The following DPP6 variants were observed in gnomAD, a reference collection of about 807,000 sequenced individuals.
DPP6 encodes the protein A-type potassium channel modulatory protein DPP6.
DPP6 carries 69 observed loss-of-function variants against 122.6 expected under a neutral mutation model. The observed-to-expected ratio is 0.56, with a 90% CI of 0.46 to 0.69. DPP6 has a LOEUF of 0.69. DPP6 is among the 30% of genes least tolerant of loss of function. DPP6 has a pLI of 0.00. For missense variants in DPP6, 928 were observed against 1,116.9 expected (o/e 0.83, Z 2.41); for synonymous variants, 418 against 433.1 (o/e 0.97, Z 0.43).
chr7:154,365,875 G>A (rs533017095), intron 1 of DPP6, among the ~76,000 whole-genome samples: 1 of 150,270 alleles, frequency 6.7e-6, no homozygotes, highest in Non-Finnish European at 1.5e-5. Context: ...GGAGAATGGC[G>A]TGAACCTGGG....
chr7:154,175,315 C>T (rs1418513511), intron 1 of DPP6, among the ~76,000 whole-genome samples: 2 of 151,962 alleles, frequency 1.3e-5, no homozygotes, highest in African/African-American at 4.8e-5. Context: ...CTAGGTGGGA[C>T]CAGTGTCATG....
At chr7:153,806,283 A>G in the DPP6 span, among the ~76,000 whole-genome samples, 1 of 151,908 alleles carries the variant, frequency 6.6e-6, no homozygotes, top group East Asian at 1.9e-4. Context: ...CTCCTCCACC[A>G]TGGGACCCTC....
chr7:153,986,584 C>T (rs1796860996), intron 1 of DPP6, among the ~76,000 whole-genome samples: 1 of 152,106 alleles, frequency 6.6e-6, no homozygotes, highest in African/African-American at 2.4e-5. Flanking sequence ...CCATGAAAAT[C>T]CTGCTGGGAT....
intron 18 of DPP6, among the ~76,000 whole-genome samples, chr7:154,868,865 G>C (rs56259347): frequency 0.25 from 38,631 of 152,092 alleles, 6,250 homozygotes; most frequent in East Asian, 0.54. Context: ...ACTCTGTCCC[G>C]CTCCAGACTT....
chr7:154,892,057 C>A (rs1434401020), intron 25 of DPP6, among the ~76,000 whole-genome samples: 1 of 152,052 alleles, frequency 6.6e-6, no homozygotes, highest in East Asian at 1.9e-4. Flanking sequence ...GGCCAGGCAC[C>A]GGGGGCGTGG....
intron 1 of DPP6, among the ~76,000 whole-genome samples, chr7:153,981,010 A>C (rs1796556397): frequency 1.3e-5 from 2 of 152,218 alleles, no homozygotes; most frequent in Non-Finnish European, 2.9e-5. Flanking sequence ...TGCTGAGAAG[A>C]ATGTATATTC....
intron 1 of DPP6, among the ~76,000 whole-genome samples, chr7:154,363,049 C>T (rs1811867189): frequency 6.6e-6 from 1 of 152,166 alleles, no homozygotes; most frequent in Admixed American, 6.5e-5. Flanking sequence ...CTAGGTCCTT[C>T]CTCCTCCCCT....
chr7:154,670,325 G>A (rs1192710493), intron 7 of DPP6, among the ~76,000 whole-genome samples: 1 of 152,172 alleles, frequency 6.6e-6, no homozygotes, highest in Non-Finnish European at 1.5e-5. Context: ...TTCTGTGAAT[G>A]GGAAGGACAG....
At chr7:154,559,162 A>G (rs907062503) in intron 4 of DPP6, among the ~76,000 whole-genome samples, 3 of 151,864 alleles carry the variant, frequency 2.0e-5, no homozygotes, top group African/African-American at 7.2e-5. Context: ...AAGGAAAACC[A>G]TGAACATGAT....
chr7:154,761,259 G>A (rs1469630099), intron 8 of DPP6, among the ~76,000 whole-genome samples: 1 of 152,234 alleles, frequency 6.6e-6, no homozygotes, highest in Non-Finnish European at 1.5e-5. Context: ...TGACCAGAAG[G>A]GACTGAACAG....
At chr7:153,979,702 A>G (rs1482348266) in intron 1 of DPP6, among the ~76,000 whole-genome samples, 1 of 152,134 alleles carries the variant, frequency 6.6e-6, no homozygotes, top group Non-Finnish European at 1.5e-5. Flanking sequence ...AGCTCTTATT[A>G]TTTTGAGATA....
intron 16 of DPP6, among the ~76,000 whole-genome samples, chr7:154,811,322 T>C (rs1393265284): frequency 6.6e-6 from 1 of 152,210 alleles, no homozygotes; most frequent in Non-Finnish European, 1.5e-5. Flanking sequence ...TGGCAGACCC[T>C]GAAGCTGAGC....
intron 1 of DPP6, among the ~76,000 whole-genome samples, chr7:153,907,398 G>A (rs982027226): frequency 1.3e-5 from 2 of 152,216 alleles, no homozygotes; most frequent in East Asian, 3.8e-4. Flanking sequence ...ATCCAGAAGA[G>A]AGGAATCAGG....
intron 3 of DPP6, 89 bp from the exon 4 acceptor site, chr7:154,540,443 A>T: frequency 1.2e-6 from 1 of 801,446 alleles, no homozygotes; most frequent in East Asian, 2.7e-5. Context: ...TTTCAGAACT[A>T]GTGATTTTAC....
the DPP6 span, among the ~76,000 whole-genome samples, chr7:153,842,973 C>A: frequency 2.0e-5 from 3 of 152,160 alleles, no homozygotes; most frequent in Admixed American, 2.0e-4. Flanking sequence ...CACCCACCTG[C>A]GCATGTGTGC....
intron 1 of DPP6, among the ~76,000 whole-genome samples, chr7:153,966,329 TGTTTGTGACTC>T (rs1795717877): frequency 6.6e-6 from 1 of 151,212 alleles, no homozygotes; most frequent in Non-Finnish European, 1.5e-5. Flanking sequence ...ATGGGCCTGG[TGTTTGTGACTC>T]AGTAACTTTT....
chr7:154,630,758 G>T (rs1199228645), intron 5 of DPP6, among the ~76,000 whole-genome samples: 1 of 152,046 alleles, frequency 6.6e-6, no homozygotes, highest in Non-Finnish European at 1.5e-5. Flanking sequence ...CACCGGGAGG[G>T]GAACATCACA....
intron 1 of DPP6, among the ~76,000 whole-genome samples, chr7:154,295,336 G>A (rs916939795): frequency 6.6e-5 from 10 of 152,130 alleles, no homozygotes; most frequent in African/African-American, 2.4e-4. Context: ...TTAGAGATGG[G>A]ATTTACACCC....
At chr7:153,905,908 A>G (rs1449162870) in intron 1 of DPP6, among the ~76,000 whole-genome samples, 3 of 152,246 alleles carry the variant, frequency 2.0e-5, no homozygotes, top group African/African-American at 2.4e-5. Context: ...CTTAGAGCTA[A>G]TAATAGCGAA....
Sources: allele counts gnomAD v4.1 joint callset (sites outside exome capture counted in the v4.1 genomes callset), GRCh38; gene constraint gnomAD v4.1.1; transcripts MANE v1.5; gene names NCBI Gene and HGNC (gene_info 2026-07-23, HGNC 2026-07-21).